SLC24A3: variants seen among roughly 807,000 people sequenced by gnomAD.
The protein encoded by SLC24A3 is sodium/potassium/calcium exchanger 3.
A neutral mutation model predicts 75.8 loss-of-function variants in SLC24A3; 28 were observed. The observed-to-expected ratio is 0.37, with a 90% CI of 0.27 to 0.51. The LOEUF (loss-of-function observed/expected upper bound fraction) is 0.51, where lower values mean the gene tolerates loss of function less well. SLC24A3 is among the 20% of genes least tolerant of loss of function. The probability of loss-of-function intolerance (pLI) is 0.94; values close to 1 mark genes in which losing one functional copy is unlikely to be tolerated. For synonymous variants in SLC24A3, 372 were observed against 334.1 expected (o/e 1.11, Z -1.24); for missense variants, 663 against 847.8 (o/e 0.78, Z 2.71).
intron 1 of SLC24A3, among the ~76,000 whole-genome samples, chr20:19,215,741 C>T (rs1981536062): frequency 6.6e-6 from 1 of 152,170 alleles, no homozygotes; most frequent in Non-Finnish European, 1.5e-5. Context: ...CATTTCTAAT[C>T]ATATGGAATC....
In SLC24A3 at chr20:19,380,543, C is replaced by A. The variant is rs1986163342; in HGVS notation, c.271+99456C>A. Reference sequence around the variant, plus strand: ...GACTGGAAGGGGGAAGATTCAACCTCCGATGATGGCTTTCTGCTGATTTGT... The same window carrying A: ...GACTGGAAGGGGGAAGATTCAACCTACGATGATGGCTTTCTGCTGATTTGT... On this transcript the variant is annotated intron_variant, in intron 2 of 16. Transcript: ENST00000328041. 2.0e-5 allele frequency among the ~76,000 whole-genome samples: 3 copies of A among 152,164 alleles called. No homozygotes were observed. The South Asian group carries it at 6.2e-4, about 32-fold the overall frequency.
At chr20:19,637,199 G>A (rs1009407601) in intron 6 of SLC24A3, among the ~76,000 whole-genome samples, 1 of 152,242 alleles carries the variant, frequency 6.6e-6, no homozygotes, top group African/African-American at 2.4e-5. Context: ...TTTTTGGGAG[G>A]CTGAGGCAGG....
At chr20:19,657,981 C>G (rs1015791560) in intron 7 of SLC24A3, among the ~76,000 whole-genome samples, 6 of 152,170 alleles carry the variant, frequency 3.9e-5, no homozygotes, top group African/African-American at 1.4e-4. Flanking sequence ...GCATTCAACT[C>G]TTCGGGTTTT....
At chr20:19,663,901 A>G (rs2032368207) in intron 7 of SLC24A3, among the ~76,000 whole-genome samples, 1 of 152,180 alleles carries the variant, frequency 6.6e-6, no homozygotes, top group African/African-American at 2.4e-5. Context: ...CTGCTAGCAG[A>G]CAGGAAGAGT....
intron 2 of SLC24A3, among the ~76,000 whole-genome samples, chr20:19,510,500 T>C (rs1346684062): frequency 6.6e-6 from 1 of 152,238 alleles, no homozygotes; most frequent in Non-Finnish European, 1.5e-5. Context: ...TCGGAGATGC[T>C]GTGAACTGAA....
chr20:19,299,198 A>ATGTGTGTGTATGTGTGTGTGTGTG (rs1984138042), intron 2 of SLC24A3, among the ~76,000 whole-genome samples: 3 of 144,912 alleles, frequency 2.1e-5, no homozygotes, highest in Admixed American at 2.1e-4. Flanking sequence ...GTGTGTGTGT[A>ATGTGTGTGTATGTGTGTGTGTGTG]TGTGTGTGTG....
chr20:19,290,506 C>T (rs546393400), intron 2 of SLC24A3, among the ~76,000 whole-genome samples: 1 of 152,184 alleles, frequency 6.6e-6, no homozygotes, highest in Non-Finnish European at 1.5e-5. Flanking sequence ...ACCCCTTCCA[C>T]CTTGTGAGGC....
At chr20:19,613,434 A>AT (rs1041860473) in intron 6 of SLC24A3, among the ~76,000 whole-genome samples, 2 of 152,104 alleles carry the variant, frequency 1.3e-5, no homozygotes, top group African/African-American at 2.4e-5. Context: ...CACTTCTATT[A>AT]TTTTTTTAAA....
At position 19,685,264 on chromosome 20, in the gene SLC24A3, C is replaced by T. The variant is rs745738313; in HGVS notation, c.1227C>T (p.Asn409=). 77 of 1,613,700 alleles carry T rather than the reference C, an allele frequency of 4.8e-5. 1 individual carries two copies. Among genetic ancestry groups the T allele is most frequent in the Admixed American group, 1.8e-4 (11 of 59,974 alleles). The stretch of plus-strand genomic sequence containing the variant: ...ACGATGTTGTGGCTGAGGCTGGCAA[C>T]GAAACAGAGAATGAAAATGAGGACA... The part of the protein sequence containing the change: ...RRDDVVAEAG[N]ETENENEDNE... The change falls in exon 12 of 17, where the codon AAC becomes AAT. Residue 409 remains asparagine, a synonymous_variant. Transcript: ENST00000328041.
At chr20:19,237,584 A>G (rs559169697) in intron 1 of SLC24A3, among the ~76,000 whole-genome samples, 1 of 152,296 alleles carries the variant, frequency 6.6e-6, no homozygotes, top group South Asian at 2.1e-4. Flanking sequence ...CAGCAGGGCC[A>G]GGCTGGAATC....
intron 6 of SLC24A3, among the ~76,000 whole-genome samples, chr20:19,616,159 T>C (rs2031732667): frequency 6.6e-6 from 1 of 152,196 alleles, no homozygotes; most frequent in Admixed American, 6.5e-5. Flanking sequence ...GGAACAAATA[T>C]GGTTCATCCT....
intron 6 of SLC24A3, among the ~76,000 whole-genome samples, chr20:19,610,893 G>T (rs1455791274): frequency 1.3e-5 from 2 of 152,226 alleles, no homozygotes; most frequent in African/African-American, 4.8e-5. Context: ...AGGGCACTTG[G>T]ACAGAGTTGC....
chr20:19,576,387 C>T (rs1029683862), intron 3 of SLC24A3, among the ~76,000 whole-genome samples: 1 of 152,144 alleles, frequency 6.6e-6, no homozygotes, highest in South Asian at 2.1e-4. Flanking sequence ...CCTTTGTTCT[C>T]TTTGCTTGTG....
intron 2 of SLC24A3, among the ~76,000 whole-genome samples, chr20:19,331,670 T>G (rs1039505168): frequency 6.6e-6 from 1 of 152,182 alleles, no homozygotes; most frequent in African/African-American, 2.4e-5. Context: ...GATTGATGCC[T>G]TCTTTCAGGA....
rs528959039 is a variant in SLC24A3, at chr20:19,549,374, G to A, written c.349-30626G>A. Among the ~76,000 whole-genome samples the A allele has an allele frequency of 3.0e-4, 45 of 152,296 alleles. 1 individual carries two copies. The highest frequency in any genetic ancestry group is 2.3e-3 in the South Asian group (11 of 4,820). On this transcript the variant is annotated intron_variant, in intron 3 of 16. Transcript: ENST00000328041. ...ATATTGTCCTCCAAGATTAAAAGTT[G>A]ATATTGTAGAATCAATATCTCAGGT...
intron 9 of SLC24A3, among the ~76,000 whole-genome samples, chr20:19,681,378 A>G (rs1202474037): frequency 1.3e-5 from 2 of 152,198 alleles, no homozygotes; most frequent in Non-Finnish European, 2.9e-5. Flanking sequence ...TAGCACATAG[A>G]CTGTGACACA....
intron 2 of SLC24A3, among the ~76,000 whole-genome samples, chr20:19,352,410 C>T (rs900333911): frequency 6.6e-5 from 10 of 152,190 alleles, no homozygotes; most frequent in African/African-American, 2.4e-4. Flanking sequence ...CTACCCAAGC[C>T]TTCTTGGCTC....
intron 6 of SLC24A3, among the ~76,000 whole-genome samples, chr20:19,640,027 C>T (rs1280994339): frequency 6.6e-6 from 1 of 152,234 alleles, no homozygotes; most frequent in Non-Finnish European, 1.5e-5. Flanking sequence ...CTCCACACCT[C>T]CCTGCAAGCT....
At chr20:19,640,269 T>C (rs2032060682) in intron 6 of SLC24A3, among the ~76,000 whole-genome samples, 1 of 152,100 alleles carries the variant, frequency 6.6e-6, no homozygotes, top group African/African-American at 2.4e-5. Context: ...CAAAACAAGA[T>C]ACAGAAGTGG....
Sources: gnomAD v4.1 joint callset for allele counts (sites outside exome capture counted in the v4.1 genomes callset) on GRCh38, gnomAD v4.1.1 for gene constraint, MANE v1.5 for transcripts, NCBI Gene and HGNC (gene_info 2026-07-23, HGNC 2026-07-21) for gene names.